PSMA8: variants seen among roughly 807,000 people sequenced by gnomAD.
PSMA8 encodes the protein proteasome subunit alpha-type 8.
A neutral mutation model predicts 32.4 loss-of-function variants in PSMA8; 18 were observed. The observed-to-expected ratio is 0.56, with a 90% CI of 0.38 to 0.82. The LOEUF (loss-of-function observed/expected upper bound fraction) is 0.82, where lower values mean the gene tolerates loss of function less well. PSMA8 is among the 40% of genes least tolerant of loss of function. The pLI is 0.00. For missense variants in PSMA8, 298 were observed against 300.7 expected (o/e 0.99, Z 0.07); for synonymous variants, 104 against 98.1 (o/e 1.06, Z -0.36).
chr18:26,141,925 A>G (rs1169635666), intron 1 of PSMA8, among the ~76,000 whole-genome samples: 1 of 151,584 alleles, frequency 6.6e-6, no homozygotes, highest in African/African-American at 2.4e-5. Context: ...GAATCAAGTA[A>G]TCCTCCCACC....
At chr18:26,185,037 A>G (rs946757827) in intron 6 of PSMA8, among the ~76,000 whole-genome samples, 1 of 147,400 alleles carries the variant, frequency 6.8e-6, no homozygotes, top group Admixed American at 6.7e-5. Context: ...CAGTGAGCCA[A>G]GATAATGCCA....
At chr18:26,139,549 AAAT>A (rs1440657106) in intron 1 of PSMA8, among the ~76,000 whole-genome samples, 3 of 152,198 alleles carry the variant, frequency 2.0e-5, no homozygotes, top group Non-Finnish European at 4.4e-5. Flanking sequence ...TTTTGGCTGG[AAAT>A]AATAATTTTG....
chr18:26,166,468 T>A (rs1260987066), intron 4 of PSMA8, among the ~76,000 whole-genome samples: 1 of 152,194 alleles, frequency 6.6e-6, no homozygotes, highest in Non-Finnish European at 1.5e-5. Context: ...CTCAATAAAT[T>A]TGACTTTAAC....
At position 26,192,506 on chromosome 18, in the gene PSMA8, A is replaced by T; in HGVS notation, c.*95A>T. The T allele has an allele frequency of 1.5e-6, 2 of 1,369,058 alleles. No individual in the cohort carries two copies. Among genetic ancestry groups the T allele is most frequent in the Non-Finnish European group, 9.6e-7 (1 of 1,045,498 alleles). The allele number at this position is 1,369,058 out of a possible 1,614,324, so 84.8% of individuals were successfully genotyped here. A position where few individuals can be genotyped will look rare whatever the true frequency, so the allele number is the denominator to read the frequency against. Reference sequence around the variant, plus strand: ...TTTTAGAGGAAAACAGTTATTTTGCAGCATTACATGCAGTACTTGTGTGAT... The same window carrying T: ...TTTTAGAGGAAAACAGTTATTTTGCTGCATTACATGCAGTACTTGTGTGAT... On this transcript the variant is annotated 3_prime_UTR_variant, in exon 7 of 7. Transcript: ENST00000415576.
chr18:26,186,748 T>A (rs1281495202), intron 6 of PSMA8, among the ~76,000 whole-genome samples: 2 of 152,256 alleles, frequency 1.3e-5, no homozygotes, highest in Non-Finnish European at 2.9e-5. Flanking sequence ...TCTGGCATTA[T>A]GCTGGATTAG....
chr18:26,162,895 A>G (rs1000603017), intron 4 of PSMA8, among the ~76,000 whole-genome samples: 3 of 151,924 alleles, frequency 2.0e-5, no homozygotes, highest in Non-Finnish European at 4.4e-5. Context: ...ATAAAATCCT[A>G]AAGGTCCAGA....
At chr18:26,180,657 C>T (rs544182649) in intron 6 of PSMA8, among the ~76,000 whole-genome samples, 70 of 152,034 alleles carry the variant, frequency 4.6e-4, no homozygotes, top group African/African-American at 1.5e-3. Context: ...CAGAGTTTGC[C>T]TCTTCTGCTC....
At chr18:26,170,952 A>G (rs1410047662) in intron 4 of PSMA8, 5 of 1,557,200 alleles carry the variant, frequency 3.2e-6, no homozygotes, top group Non-Finnish European at 4.3e-6. Context: ...TATCCAGACC[A>G]TGTCTACTTT....
In PSMA8 at chr18:26,178,937, A is replaced by G. The variant is rs2055286260; in HGVS notation, c.585A>G (p.Lys195=). 1.9e-6 allele frequency: 3 copies of G among 1,612,842 alleles called. No homozygotes were observed. The African/African-American group carries it at 4.0e-5, about 22-fold the overall frequency. Residue 195 remains lysine (K), a synonymous_variant, in exon 5 of 7, where the codon AAA becomes AAG. Transcript: ENST00000415576. ...GTGAAGCTATCAAGTTAGCAATAAAAGCTTTGCTAGAAGTAAGTGATCTAA... is the reference window on the plus strand; with the variant it reads ...GTGAAGCTATCAAGTTAGCAATAAAGGCTTTGCTAGAAGTAAGTGATCTAA... ...SDSEAIKLAI[K]ALLEVVQSGG...
chr18:26,163,213 G>GTATATA lies in PSMA8; in HGVS notation c.477+5013_477+5018dup, dbSNP rs58945617. On this transcript the variant is annotated intron_variant, in intron 4 of 6. Coordinates refer to ENST00000415576, the MANE Select transcript of PSMA8 (RefSeq NM_001025096.2). ...AGGTGGTGTGTGTTTATGTGTGTGT[G>GTATATA]TATATATATATATATATATATATAT... 7.8e-3 allele frequency among the ~76,000 whole-genome samples: 626 copies of GTATATA among 80,736 alleles called. 12 individuals are homozygous for GTATATA. The highest frequency in any genetic ancestry group is 9.6e-3 in the Non-Finnish European group (414 of 43,016). 53.0% of individuals were successfully genotyped at this position (80,736 alleles called of 152,430 possible).
chr18:26,162,023 A>G (rs2055139715), intron 4 of PSMA8, among the ~76,000 whole-genome samples: 1 of 152,160 alleles, frequency 6.6e-6, no homozygotes, highest in African/African-American at 2.4e-5. Context: ...TGAAGAAGAT[A>G]TTTAGAAAAT....
chr18:26,145,414 G>A (rs777008739), intron 2 of PSMA8, among the ~76,000 whole-genome samples: 16 of 152,012 alleles, frequency 1.1e-4, no homozygotes, highest in South Asian at 4.1e-4. Flanking sequence ...CACCGCGCCC[G>A]GCCTCTGTGT....
At chr18:26,145,092 G>A (rs1392782207) in intron 2 of PSMA8, among the ~76,000 whole-genome samples, 2 of 152,092 alleles carry the variant, frequency 1.3e-5, no homozygotes, top group Non-Finnish European at 2.9e-5. Flanking sequence ...GCATGTTCAT[G>A]TACATGTATG....
chr18:26,149,994 A>T (rs76351968), intron 2 of PSMA8, among the ~76,000 whole-genome samples: 234 of 152,332 alleles, frequency 1.5e-3, no homozygotes, highest in African/African-American at 5.5e-3. Context: ...CTCAATATAA[A>T]ATTGTGGTAC....
chr18:26,139,544 G>C (rs530055716), intron 1 of PSMA8, among the ~76,000 whole-genome samples: 1 of 152,252 alleles, frequency 6.6e-6, no homozygotes, highest in Non-Finnish European at 1.5e-5. Flanking sequence ...ATTGATTTTG[G>C]CTGGAAATAA....
intron 6 of PSMA8, among the ~76,000 whole-genome samples, chr18:26,182,923 C>T (rs1406521167): frequency 1.3e-5 from 2 of 151,910 alleles, no homozygotes; most frequent in East Asian, 3.9e-4. Context: ...GAAACCCCGT[C>T]TCTACCACAA....
intron 1 of PSMA8, among the ~76,000 whole-genome samples, chr18:26,135,784 C>T (rs1004461656): frequency 6.6e-6 from 1 of 151,986 alleles, no homozygotes; most frequent in Non-Finnish European, 1.5e-5. Flanking sequence ...ATTGATGGTT[C>T]CTTTGTAATA....
intron 6 of PSMA8, among the ~76,000 whole-genome samples, chr18:26,191,840 T>A (rs1052691585): frequency 2.6e-5 from 4 of 152,084 alleles, no homozygotes; most frequent in African/African-American, 9.7e-5. Context: ...CACTGCAAAT[T>A]CTTAGAAAAA....
chr18:26,158,471 A>G (rs1281543467), intron 4 of PSMA8, among the ~76,000 whole-genome samples: 1 of 152,240 alleles, frequency 6.6e-6, no homozygotes, highest in African/African-American at 2.4e-5. Context: ...GTAAGTGTTT[A>G]TAAATGGCCA....
Sources: allele counts gnomAD v4.1 joint callset (sites outside exome capture counted in the v4.1 genomes callset), GRCh38; gene constraint gnomAD v4.1.1; transcripts MANE v1.5; gene names NCBI Gene and HGNC (gene_info 2026-07-23, HGNC 2026-07-21).